ADAMTS2: variants seen among roughly 807,000 people sequenced by gnomAD.
ADAMTS2 encodes the protein A disintegrin and metalloproteinase with thrombospondin motifs 2.
ADAMTS2 carries 50 observed loss-of-function variants against 123.0 expected under a neutral mutation model. The observed-to-expected ratio is 0.41, with a 90% CI of 0.32 to 0.51. ADAMTS2 has a LOEUF of 0.51. Among genes scored for constraint, ADAMTS2 ranks in the 20% least tolerant of loss-of-function variants. The pLI, the probability that ADAMTS2 is intolerant of heterozygous loss-of-function variation, is 0.35. For synonymous variants in ADAMTS2, 678 were observed against 695.4 expected (o/e 0.98, Z 0.39); for missense variants, 1,494 against 1,705.2 (o/e 0.88, Z 2.18).
intron 3 of ADAMTS2, among the ~76,000 whole-genome samples, chr5:179,245,563 G>A (rs1177996163): frequency 8.0e-5 from 12 of 150,844 alleles, no homozygotes; most frequent in Non-Finnish European, 1.0e-4. Flanking sequence ...TCAGGAGATC[G>A]AGACCATCCT....
At chr5:179,199,693 G>A (rs1764517532) in intron 4 of ADAMTS2, among the ~76,000 whole-genome samples, 1 of 152,146 alleles carries the variant, frequency 6.6e-6, no homozygotes, top group African/African-American at 2.4e-5. Context: ...ATTCCACTCT[G>A]TGAAATCCTC....
Position 179,132,428 on chromosome 5 carries a change from C to G in ADAMTS2, c.2210-118G>C, listed in dbSNP as rs527239049. ...GCTCCTCCGGAGGCTCTCCCAGGAC[C>G]CTGGTATTTCTCTGGCTTTGAGGAC... On this transcript the variant is annotated intron_variant, in intron 14 of 21. Transcript: ENST00000251582. This position sits in a 1 kb window ranked among gnomAD's most constrained non-coding sequence, Gnocchi z 6.1. The G allele has an allele frequency of 8.2e-5, 84 of 1,026,660 alleles. No homozygotes were observed. The East Asian group carries it at 2.1e-3, about 25-fold the overall frequency. The allele number at this position is 1,026,660 out of a possible 1,614,324, so 63.6% of individuals were successfully genotyped here. A position where few individuals can be genotyped will look rare whatever the true frequency, so the allele number is the denominator to read the frequency against.
Position 179,127,974 on chromosome 5 carries a change from T to G in ADAMTS2, c.2602A>C (p.Lys868Gln). The G allele has an allele frequency of 6.2e-6, 10 of 1,613,918 alleles. No individual in the cohort carries two copies. In the South Asian group the frequency reaches 1.1e-4, roughly 18 times the overall value. ...ACCCCCTCACCTCCGCCACAGGGCT[T>G]GGAGCACGGAGACCACTTCTTCAGG... ...WALKKWSPCS[K>Q]PCGGGSQFTK... is the part of the protein sequence containing the mutation. The change falls in exon 17 of 22, where the codon AAG becomes CAG. Residue 868 changes from lysine to glutamine, a missense_variant. Physicochemically the swap from Lys to Gln is moderately conservative, Grantham distance 53. Around this residue, in one of 6 missense-constraint regions of ADAMTS2, gnomAD observed 953 missense variants for 1,124.7 expected, o/e 0.85. Transcript: ENST00000251582.
At position 179,158,666 on chromosome 5, in the gene ADAMTS2, G is replaced by A. The variant is rs572824985; in HGVS notation, c.1132+57C>T. 9.2e-5 allele frequency: 148 copies of A among 1,611,886 alleles called. No homozygotes were observed. In the African/African-American group the frequency reaches 1.7e-3, roughly 18 times the overall value. On this transcript the variant is annotated intron_variant, in intron 6 of 21. Coordinates refer to ENST00000251582, the MANE Select transcript of ADAMTS2 (RefSeq NM_014244.5). The surrounding 1 kb of genome is among the most constrained non-coding windows in gnomAD (Gnocchi z 5.0). ...CCAAGGCTCCCGGGGCCCCTTGCAT[G>A]GCCAGGGGCTCATTTCCAGCTTCAC...
intron 2 of ADAMTS2, among the ~76,000 whole-genome samples, chr5:179,341,918 C>T (rs3889567): frequency 0.12 from 18,240 of 152,142 alleles, 1,365 homozygotes; most frequent in East Asian, 0.31. Flanking sequence ...CCTCTGCACA[C>T]GCTCCTCCCT....
chr5:179,208,267 G>A (rs538309025), intron 3 of ADAMTS2, among the ~76,000 whole-genome samples: 8 of 150,666 alleles, frequency 5.3e-5, no homozygotes, highest in African/African-American at 9.8e-5. Flanking sequence ...TGGGGAAACC[G>A]AGGCCCATCC....
chr5:179,227,996 G>A (rs776546618), intron 3 of ADAMTS2, among the ~76,000 whole-genome samples: 7 of 152,230 alleles, frequency 4.6e-5, no homozygotes, highest in Middle Eastern at 3.4e-3. Flanking sequence ...CTGGGCAACC[G>A]GTCACCCTGG....
chr5:179,286,206 A>C (rs1581247013), intron 2 of ADAMTS2, among the ~76,000 whole-genome samples: 3 of 115,186 alleles, frequency 2.6e-5, no homozygotes, highest in Non-Finnish European at 3.4e-5. Flanking sequence ...AGAGTGAGAG[A>C]CTCTTGTCTC....
chr5:179,148,849 G>T (rs914766172), intron 10 of ADAMTS2, among the ~76,000 whole-genome samples: 1 of 152,194 alleles, frequency 6.6e-6, no homozygotes, highest in Non-Finnish European at 1.5e-5. Flanking sequence ...CCAGACGGAG[G>T]GGGGTACTGT....
chr5:179,145,534 T>G (rs147190571), intron 10 of ADAMTS2, among the ~76,000 whole-genome samples: 2 of 152,224 alleles, frequency 1.3e-5, no homozygotes, highest in African/African-American at 4.8e-5. Context: ...CAGGAAGGAA[T>G]GCAGGGCTGC....
At chr5:179,328,188 A>G (rs959428649) in intron 2 of ADAMTS2, among the ~76,000 whole-genome samples, 4 of 152,054 alleles carry the variant, frequency 2.6e-5, no homozygotes, top group African/African-American at 4.8e-5. Context: ...GCGCACCACC[A>G]CGCCCGGCTA....
chr5:179,220,893 A>G (rs983127500), intron 3 of ADAMTS2, among the ~76,000 whole-genome samples: 5 of 152,044 alleles, frequency 3.3e-5, no homozygotes, highest in Admixed American at 6.5e-5. Context: ...AGCCAACACA[A>G]GCGGGAGGTC....
intron 2 of ADAMTS2, 77 bp from the exon 3 acceptor site, chr5:179,273,141 C>G (rs963941665): frequency 6.2e-7 from 1 of 1,601,210 alleles, no homozygotes; most frequent in African/African-American, 1.3e-5. Context: ...GAGACCCCCT[C>G]AGGGAGTACC....
rs779423596 is a variant in ADAMTS2, at chr5:179,162,736, G to A, written c.976-3857C>T. 8.5e-5 allele frequency among the ~76,000 whole-genome samples: 13 copies of A among 152,360 alleles called. No individual in the cohort carries two copies. Among genetic ancestry groups the A allele is most frequent in the Admixed American group, 3.9e-4 (6 of 15,302 alleles). On this transcript the variant is annotated intron_variant, in intron 5 of 21. Transcript: ENST00000251582. The surrounding 1 kb of genome is among the most constrained non-coding windows in gnomAD (Gnocchi z 5.1). ...GACATTAAGAGACTGGGTCACTGGC[G>A]GCCATCACGAAGGCTGCCTGCCACT...
In ADAMTS2 at chr5:179,239,499, G is replaced by A. The variant is rs115833838; in HGVS notation, c.689-31784C>T. 8.8e-3 allele frequency among the ~76,000 whole-genome samples: 1,341 copies of A among 152,230 alleles called. 16 individuals are homozygous for A. Among genetic ancestry groups the A allele is most frequent in the African/African-American group, 0.03 (1,242 of 41,532 alleles). On this transcript the variant is annotated intron_variant, in intron 3 of 21. Transcript: ENST00000251582. ...AATTGAGGTTGGCAAGTAGAGAAAT[G>A]CCTTGGAACTTGGATTTGAAGAGTG...
intron 3 of ADAMTS2, among the ~76,000 whole-genome samples, chr5:179,245,765 C>CA (rs1171837041): frequency 0.091 from 1,567 of 17,160 alleles, 432 homozygotes; most frequent in East Asian, 0.33. Flanking sequence ...GACTCCGTCT[C>CA]AAAAAAAAAA....
chr5:179,263,080 T>G (rs1175524132), intron 3 of ADAMTS2, among the ~76,000 whole-genome samples: 1 of 135,278 alleles, frequency 7.4e-6, no homozygotes, highest in Non-Finnish European at 1.6e-5. Context: ...TATTCCCCCA[T>G]GATTTGGGGA....
At chr5:179,276,218 G>A (rs78074186) in intron 2 of ADAMTS2, among the ~76,000 whole-genome samples, 3,188 of 152,254 alleles carry the variant, frequency 0.021, 52 homozygotes, top group Middle Eastern at 0.061. Context: ...GCAGGCAGGC[G>A]GGAAGAACAC....
intron 2 of ADAMTS2, among the ~76,000 whole-genome samples, chr5:179,275,537 C>T (rs1223361546): frequency 6.6e-6 from 1 of 152,158 alleles, no homozygotes. Context: ...CAGTCCTTGC[C>T]CACTTCCTTA....
Sources: allele counts gnomAD v4.1 joint callset (sites outside exome capture counted in the v4.1 genomes callset), GRCh38; gene constraint gnomAD v4.1.1; regional missense constraint gnomAD v4.1.1; non-coding constraint Gnocchi (gnomAD v3.1); transcripts MANE v1.5; gene names NCBI Gene and HGNC (gene_info 2026-07-23, HGNC 2026-07-21).